KLF8: variants seen among roughly 807,000 people sequenced by gnomAD.
KLF8 encodes KLF transcription factor 8, also known as Krueppel-like factor 8.
In KLF8, 10 loss-of-function variants were observed where a neutral mutation model predicts 18.2. The ratio of observed to expected loss-of-function variants is 0.55; its 90% CI spans 0.34 to 0.93. KLF8 has a LOEUF of 0.93. Among genes scored for constraint, KLF8 ranks in the 40% least tolerant of loss-of-function variants. The probability of loss-of-function intolerance (pLI) is 0.02; values close to 1 mark genes in which losing one functional copy is unlikely to be tolerated. For synonymous variants in KLF8, 109 were observed against 97.3 expected, an observed-to-expected ratio of 1.12 and a Z score of -0.71; for missense variants, 264 against 277.9, an observed-to-expected ratio of 0.95 and a Z score of 0.36.
chrX:55,970,652 A>G, the KLF8 span, among the ~76,000 whole-genome samples: 1 of 111,520 alleles, frequency 9.0e-6, no homozygotes, highest in Non-Finnish European at 1.9e-5. Flanking sequence ...ATATGATCTT[A>G]TATTTGGAAA....
chrX:56,062,951 G>A, the KLF8 span, among the ~76,000 whole-genome samples: 14 of 109,936 alleles, frequency 1.3e-4, 1 homozygote, highest in South Asian at 4.3e-3. Flanking sequence ...TTGCTTGATC[G>A]ATTTGGCTAT....
the KLF8 span, among the ~76,000 whole-genome samples, chrX:56,069,461 G>A: frequency 1.8e-5 from 2 of 110,563 alleles, no homozygotes; most frequent in East Asian, 2.9e-4. Context: ...CAGTAAGCCC[G>A]CTTCTGTGGA....
the KLF8 span, among the ~76,000 whole-genome samples, chrX:55,919,429 G>A: frequency 8.9e-6 from 1 of 111,903 alleles, no homozygotes; most frequent in Non-Finnish European, 1.9e-5. Flanking sequence ...CTGAAAAACT[G>A]TGAGCCTGCT....
chrX:56,138,449 C>T, the KLF8 span, among the ~76,000 whole-genome samples: 1 of 111,621 alleles, frequency 9.0e-6, no homozygotes, highest in African/African-American at 3.3e-5. Flanking sequence ...CCAGCAGCTA[C>T]ATCACAAAGC....
At chrX:56,183,870 A>G in the KLF8 span, among the ~76,000 whole-genome samples, 1 of 111,691 alleles carries the variant, frequency 9.0e-6, no homozygotes, top group Non-Finnish European at 1.9e-5. Context: ...ATGGATAAAA[A>G]ATCAGGACCC....
At chrX:56,254,579 A>G (rs774459601) in intron 2 of KLF8, among the ~76,000 whole-genome samples, 1 of 111,499 alleles carries the variant, frequency 9.0e-6, no homozygotes, top group Non-Finnish European at 1.9e-5. Flanking sequence ...GAGGTTACAC[A>G]ATGAATCAAA....
chrX:56,006,697 T>C, the KLF8 span, among the ~76,000 whole-genome samples: 1 of 112,860 alleles, frequency 8.9e-6, no homozygotes, highest in African/African-American at 3.2e-5. Flanking sequence ...TTTGTATTTT[T>C]GCTCTTGAGT....
At chrX:56,054,276 G>A in the KLF8 span, among the ~76,000 whole-genome samples, 22 of 110,876 alleles carry the variant, frequency 2.0e-4, no homozygotes, top group Non-Finnish European at 3.6e-4. Flanking sequence ...AGAGATTCTG[G>A]GATGTTGTAT....
chrX:56,265,201 A>G lies in KLF8; in HGVS notation c.103A>G (p.Arg35Gly). 1 of 1,203,862 alleles carries G rather than the reference A, an allele frequency of 8.3e-7. No individual in the cohort carries two copies. The highest frequency in any genetic ancestry group is 1.1e-6 in the Non-Finnish European group (1 of 890,429). ...FKQVTASVRN[R>G]DPPEIEYRSN... ...TAAGGTCACTGCTTCTGTTCGGAAC[A>G]GAGATCCCCCTGAGATAGAATACAG... is the stretch of plus-strand genomic sequence containing the variant. Residue 35 changes from arginine (R) to glycine (G), a missense_variant, in exon 3 of 6, where the codon AGA becomes GGA. Coordinates refer to ENST00000468660, the MANE Select transcript of KLF8 (RefSeq NM_007250.5).
intron 5 of KLF8, among the ~76,000 whole-genome samples, chrX:56,284,042 CA>C (rs929575533): frequency 9.0e-6 from 1 of 111,303 alleles, no homozygotes; most frequent in African/African-American, 3.3e-5. Context: ...GTTCTTACCA[CA>C]AAAAAAGATA....
At chrX:56,062,067 A>C in the KLF8 span, among the ~76,000 whole-genome samples, 1 of 97,336 alleles carries the variant, frequency 1.0e-5, no homozygotes, top group Admixed American at 1.2e-4. Flanking sequence ...TTTGCATGTG[A>C]GATGGGTCTC....
chrX:56,085,254 T>TAC, the KLF8 span, among the ~76,000 whole-genome samples: 4 of 110,797 alleles, frequency 3.6e-5, no homozygotes, highest in Non-Finnish European at 5.7e-5. Flanking sequence ...AGAGGGGAGA[T>TAC]ACACACACAC....
At chrX:55,982,815 T>C in the KLF8 span, among the ~76,000 whole-genome samples, 4 of 112,256 alleles carry the variant, frequency 3.6e-5, no homozygotes, top group Admixed American at 2.8e-4. Flanking sequence ...ATTGTTATAT[T>C]AAAAATCTGA....
the KLF8 span, among the ~76,000 whole-genome samples, chrX:56,211,480 A>C: frequency 1.8e-5 from 2 of 112,312 alleles, no homozygotes; most frequent in Non-Finnish European, 1.9e-5. Context: ...GTCACACCTC[A>C]AGCTACTACA....
At chrX:55,992,281 G>A in the KLF8 span, among the ~76,000 whole-genome samples, 4 of 112,025 alleles carry the variant, frequency 3.6e-5, no homozygotes, top group African/African-American at 1.3e-4. Flanking sequence ...TTGTATGTGG[G>A]GAAAAGATAG....
At chrX:56,161,417 G>T in the KLF8 span, among the ~76,000 whole-genome samples, 1 of 111,813 alleles carries the variant, frequency 8.9e-6, no homozygotes, top group East Asian at 2.8e-4. Context: ...ACGAGACTTA[G>T]ATTTGGTCTT....
At chrX:56,278,038 C>T (rs1017978227) in intron 5 of KLF8, among the ~76,000 whole-genome samples, 4 of 112,512 alleles carry the variant, frequency 3.6e-5, no homozygotes, top group South Asian at 3.7e-4. Context: ...CTGGGACTCA[C>T]GCTTGAGGGC....
intron 5 of KLF8, among the ~76,000 whole-genome samples, chrX:56,274,567 A>T (rs1224158653): frequency 1.8e-5 from 2 of 111,774 alleles, no homozygotes; most frequent in Non-Finnish European, 3.8e-5. Context: ...CTTGTGGGGT[A>T]TTGCTCAACA....
chrX:56,188,681 A>G, the KLF8 span, among the ~76,000 whole-genome samples: 3 of 111,958 alleles, frequency 2.7e-5, no homozygotes, highest in African/African-American at 9.7e-5. Flanking sequence ...CATATAGATC[A>G]ATGAAACAGA....
Sources: gnomAD v4.1 joint callset for allele counts (sites outside exome capture counted in the v4.1 genomes callset) on GRCh38, gnomAD v4.1.1 for gene constraint, MANE v1.5 for transcripts, NCBI Gene and HGNC (gene_info 2026-07-23, HGNC 2026-07-21) for gene names.